The following AK5 variants were observed in gnomAD, a reference collection of about 807,000 sequenced individuals.
AK5 encodes the protein adenylate kinase 5.
A neutral mutation model predicts 69.5 loss-of-function variants in AK5; 27 were observed. That is an observed-to-expected ratio of 0.39 (90% CI 0.29 to 0.54). The LOEUF (loss-of-function observed/expected upper bound fraction) is 0.54. AK5 is among the 20% of genes least tolerant of loss of function. The pLI is 0.71. For missense variants in AK5, 531 were observed against 700.4 expected (o/e 0.76, Z 2.73); for synonymous variants, 260 against 244.4 (o/e 1.06, Z -0.60).
At chr1:77,392,613 T>C (rs138462412) in intron 6 of AK5, among the ~76,000 whole-genome samples, 6 of 152,274 alleles carry the variant, frequency 3.9e-5, no homozygotes, top group East Asian at 3.9e-4. Flanking sequence ...CTCTCTCGGC[T>C]GTCATTCAGC....
At chr1:77,391,905 G>C (rs1193505650) in intron 6 of AK5, among the ~76,000 whole-genome samples, 1 of 152,124 alleles carries the variant, frequency 6.6e-6, no homozygotes, top group Non-Finnish European at 1.5e-5. Context: ...CTTATCCTGA[G>C]TCATTTATAG....
intron 5 of AK5, among the ~76,000 whole-genome samples, chr1:77,324,990 TGAGACGGAGG>T (rs1660724674): frequency 6.6e-6 from 1 of 150,888 alleles, no homozygotes; most frequent in Non-Finnish European, 1.5e-5. Context: ...CTTTTTTTTT[TGAGACGGAGG>T]CTTGTTCTGT....
intron 12 of AK5, chr1:77,532,005 G>GCCGGCCGGCCGC: frequency 6.6e-6 from 1 of 151,202 alleles, no homozygotes; most frequent in South Asian, 2.1e-4. Context: ...CGGCCGGCCG[G>GCCGGCCGGCCGC]CCGCTCCGAG....
intron 10 of AK5, among the ~76,000 whole-genome samples, chr1:77,501,348 C>A (rs1656707167): frequency 6.6e-6 from 1 of 152,224 alleles, no homozygotes; most frequent in Non-Finnish European, 1.5e-5. Context: ...CATATACAGT[C>A]ATGCATCACT....
At chr1:77,422,041 T>C (rs1157837021) in intron 8 of AK5, among the ~76,000 whole-genome samples, 4 of 152,186 alleles carry the variant, frequency 2.6e-5, no homozygotes, top group Admixed American at 2.6e-4. Context: ...ACAAAATCTG[T>C]TCTTCCTTCT....
In AK5 at chr1:77,510,664, T is replaced by C. The variant is rs185267571; in HGVS notation, c.1148-7900T>C. Among the ~76,000 whole-genome samples, 269 of 152,244 alleles carry C rather than the reference T, an allele frequency of 1.8e-3. 2 individuals carry two copies. The highest frequency in any genetic ancestry group is 3.4e-3 in the Middle Eastern group (1 of 294). ...CCAACCGAGAGAAATATATTTCATATGGACAAAAAAGAGAGCGTCAAGTTC... is the reference window on the plus strand; with the variant it reads ...CCAACCGAGAGAAATATATTTCATACGGACAAAAAAGAGAGCGTCAAGTTC... On this transcript the variant is annotated intron_variant, in intron 10 of 13. Transcript: ENST00000354567.
At chr1:77,458,967 G>A (rs999938312) in intron 8 of AK5, among the ~76,000 whole-genome samples, 2 of 152,144 alleles carry the variant, frequency 1.3e-5, no homozygotes, top group African/African-American at 4.8e-5. Context: ...GGAACTTCTG[G>A]TGTCTTGCCC....
intron 8 of AK5, among the ~76,000 whole-genome samples, chr1:77,425,443 C>T (rs1353336763): frequency 6.6e-6 from 1 of 151,914 alleles, no homozygotes; most frequent in African/African-American, 2.4e-5. Flanking sequence ...AAAAATTGGC[C>T]GGGTATGGTG....
At chr1:77,448,427 A>G (rs1353109396) in intron 8 of AK5, among the ~76,000 whole-genome samples, 2 of 152,142 alleles carry the variant, frequency 1.3e-5, no homozygotes, top group Non-Finnish European at 2.9e-5. Context: ...CTGCAGAGAC[A>G]TTGGGATGAC....
rs140512240 is a variant in AK5, at chr1:77,320,613, G to A, written c.700-19764G>A. Among the ~76,000 whole-genome samples the A allele has an allele frequency of 5.4e-3, 825 of 152,192 alleles. 5 individuals are homozygous for A. Among genetic ancestry groups the A allele is most frequent in the African/African-American group, 0.019 (793 of 41,514 alleles). On this transcript the variant is annotated intron_variant, in intron 5 of 13. Transcript: ENST00000354567. ...AAAATACAAAAATTAGCCAGGTATG[G>A]TGGTGCATGCCTGTAATACCAGCTA...
intron 6 of AK5, among the ~76,000 whole-genome samples, chr1:77,391,445 A>G (rs1384922442): frequency 4.5e-5 from 6 of 134,560 alleles, no homozygotes; most frequent in African/African-American, 8.6e-5. Context: ...ATATACATAT[A>G]TGTGTGTGTA....
intron 6 of AK5, among the ~76,000 whole-genome samples, chr1:77,377,210 C>T (rs1355549803): frequency 4.6e-5 from 7 of 152,126 alleles, no homozygotes; most frequent in Non-Finnish European, 1.0e-4. Flanking sequence ...TCAGTGGGGT[C>T]CTCTCTACTT....
chr1:77,365,473 G>T (rs1231109847), intron 6 of AK5, among the ~76,000 whole-genome samples: 3 of 152,166 alleles, frequency 2.0e-5, no homozygotes, highest in Non-Finnish European at 4.4e-5. Context: ...CTGGTGTTCT[G>T]TAGGTCAGCA....
intron 10 of AK5, 28 bp from the exon 11 acceptor site, chr1:77,518,536 C>T (rs750235170): frequency 5.0e-6 from 8 of 1,608,976 alleles, no homozygotes; most frequent in South Asian, 2.2e-5. Flanking sequence ...ACTTGGAATG[C>T]ATGTCTGACA....
intron 5 of AK5, among the ~76,000 whole-genome samples, chr1:77,307,598 T>G (rs778016245): frequency 1.3e-5 from 2 of 152,218 alleles, no homozygotes; most frequent in Admixed American, 6.5e-5. Flanking sequence ...GATGAAATGC[T>G]CTGTAAATAT....
At chr1:77,494,195 A>G (rs1313325403) in intron 10 of AK5, among the ~76,000 whole-genome samples, 1 of 152,240 alleles carries the variant, frequency 6.6e-6, no homozygotes, top group Non-Finnish European at 1.5e-5. Context: ...CTTTGGAAGC[A>G]CTATTAATTC....
At chr1:77,482,545 G>A (rs1655316258) in intron 8 of AK5, among the ~76,000 whole-genome samples, 1 of 152,134 alleles carries the variant, frequency 6.6e-6, no homozygotes, top group South Asian at 2.1e-4. Context: ...GGCCGAGGTA[G>A]GCAGATCACT....
At chr1:77,485,119 G>T (rs1014780589) in intron 9 of AK5, among the ~76,000 whole-genome samples, 1 of 152,194 alleles carries the variant, frequency 6.6e-6, no homozygotes, top group Admixed American at 6.5e-5. Flanking sequence ...CAGTGTATCT[G>T]CCTTTAATAG....
intron 6 of AK5, among the ~76,000 whole-genome samples, chr1:77,347,539 T>C (rs1330047720): frequency 6.6e-6 from 1 of 152,194 alleles, no homozygotes; most frequent in Non-Finnish European, 1.5e-5. Flanking sequence ...TTTTAAAATA[T>C]CCAGAACTAA....
Sources: gnomAD v4.1 joint callset for allele counts (sites outside exome capture counted in the v4.1 genomes callset) on GRCh38, gnomAD v4.1.1 for gene constraint, MANE v1.5 for transcripts, NCBI Gene and HGNC (gene_info 2026-07-23, HGNC 2026-07-21) for gene names.